Variants in HELZ observed in about 807,000 individuals in gnomAD.
The protein encoded by HELZ is helicase with zinc finger.
In HELZ, 23 loss-of-function variants were observed where a neutral mutation model predicts 218.2. That is an observed-to-expected ratio of 0.11 (90% CI 0.08 to 0.15). The LOEUF is 0.15. Among genes scored for constraint, HELZ ranks in the 10% least tolerant of loss-of-function variants. The pLI is 1.00. For synonymous variants in HELZ, 814 were observed against 829.4 expected (o/e 0.98, Z 0.32); for missense variants, 1,813 against 2,353.7 (o/e 0.77, Z 4.75).
At chr17:67,087,153 A>T (rs2036419666) in intron 31 of HELZ, 72 bp from the exon 32 acceptor site, 1 of 1,378,900 alleles carries the variant, frequency 7.3e-7, no homozygotes, top group South Asian at 1.2e-5. Flanking sequence ...TTCACTCCAT[A>T]GCAATATCTC....
intron 28 of HELZ, among the ~76,000 whole-genome samples, chr17:67,112,968 G>GACTACA (rs1036683493): frequency 6.6e-6 from 1 of 152,166 alleles, no homozygotes; most frequent in African/African-American, 2.4e-5. Context: ...AGTCAAGTAA[G>GACTACA]ACTACATTTG....
chr17:67,242,142 A>C (rs2041328820), intron 2 of HELZ, among the ~76,000 whole-genome samples: 1 of 152,220 alleles, frequency 6.6e-6, no homozygotes, highest in Non-Finnish European at 1.5e-5. Context: ...AAGGCCAGGC[A>C]TGGTGGCTCA....
At chr17:67,142,273 G>A (rs2038351029) in intron 21 of HELZ, among the ~76,000 whole-genome samples, 1 of 152,076 alleles carries the variant, frequency 6.6e-6, no homozygotes, top group South Asian at 2.1e-4. Flanking sequence ...TTGGGAGGCT[G>A]AGGGAGGTGG....
chr17:67,138,628 C>G (rs1393477264), intron 21 of HELZ, among the ~76,000 whole-genome samples: 1 of 152,196 alleles, frequency 6.6e-6, no homozygotes, highest in Non-Finnish European at 1.5e-5. Context: ...CAACAGCCAC[C>G]AATTGACAAC....
chr17:67,123,992 T>G lies in HELZ; in HGVS notation c.3410A>C (p.Gln1137Pro). The change falls in exon 25 of 33, where the codon CAG becomes CCG. Residue 1137 changes from glutamine to proline, a missense_variant. Gln to Pro is a moderately conservative substitution (Grantham distance 76). Coordinates refer to ENST00000358691, the MANE Select transcript of HELZ (RefSeq NM_014877.4). ...TCCATCATTCTGGAAGTGATCATTC[T>G]GGGTATGATGAAGACTTTTCCCCTT... The part of the protein sequence containing the change: ...PPKGKSLHHT[Q>P]NDHFQNDGIV... 3 of 1,606,540 alleles carry G rather than the reference T, an allele frequency of 1.9e-6. No homozygotes were observed. Among genetic ancestry groups the G allele is most frequent in the Non-Finnish European group, 2.6e-6 (3 of 1,173,968 alleles).
chr17:67,239,815 G>A (rs1282911210), intron 2 of HELZ: 2 of 152,184 alleles, frequency 1.3e-5, no homozygotes, highest in Non-Finnish European at 2.9e-5. Flanking sequence ...TTTCCAGGAA[G>A]AACACCAGCT....
chr17:67,162,445 A>T (rs541753860), intron 15 of HELZ, among the ~76,000 whole-genome samples: 44 of 152,280 alleles, frequency 2.9e-4, no homozygotes, highest in African/African-American at 1.0e-3. Flanking sequence ...TTTATTCATA[A>T]TTCTGCCAGT....
At chr17:67,117,841 GT>G (rs555568587) in intron 27 of HELZ, among the ~76,000 whole-genome samples, 7 of 151,822 alleles carry the variant, frequency 4.6e-5, no homozygotes, top group Non-Finnish European at 1.0e-4. Context: ...ATGAGCCACC[GT>G]GCTCGGCCTG....
chr17:67,162,275 T>C (rs1245501240), intron 15 of HELZ, among the ~76,000 whole-genome samples: 1 of 152,162 alleles, frequency 6.6e-6, no homozygotes, highest in Non-Finnish European at 1.5e-5. Context: ...ACTGTTATAT[T>C]ATGACATATA....
At chr17:67,087,548 T>C (rs532128412) in intron 31 of HELZ, among the ~76,000 whole-genome samples, 156 of 152,342 alleles carry the variant, frequency 1.0e-3, no homozygotes, top group African/African-American at 3.7e-3. Flanking sequence ...ACTTATCTCT[T>C]GGGCCCTTCC....
At chr17:67,133,724 A>G (rs1177384161) in intron 23 of HELZ, among the ~76,000 whole-genome samples, 1 of 152,170 alleles carries the variant, frequency 6.6e-6, no homozygotes, top group Non-Finnish European at 1.5e-5. Flanking sequence ...CATGTTGCCC[A>G]GGGTGATCTC....
At chr17:67,171,932 A>G (rs2144183009) in intron 13 of HELZ, among the ~76,000 whole-genome samples, 1 of 152,020 alleles carries the variant, frequency 6.6e-6, no homozygotes, top group Middle Eastern at 3.4e-3. Flanking sequence ...CCCGGGTTCA[A>G]GCGATTCTCC....
intron 5 of HELZ, among the ~76,000 whole-genome samples, chr17:67,212,084 G>A (rs1274474458): frequency 2.0e-5 from 3 of 151,630 alleles, no homozygotes; most frequent in African/African-American, 7.3e-5. Flanking sequence ...TATGCTGTAA[G>A]GCCAAGGCGG....
At chr17:67,126,307 C>T (rs958398867) in intron 24 of HELZ, among the ~76,000 whole-genome samples, 4 of 152,006 alleles carry the variant, frequency 2.6e-5, no homozygotes, top group South Asian at 2.1e-4. Flanking sequence ...GCTGGAAGAA[C>T]GCTAGACAAT....
chr17:67,183,043 A>G (rs566328202), intron 12 of HELZ, among the ~76,000 whole-genome samples: 10 of 152,358 alleles, frequency 6.6e-5, no homozygotes, highest in African/African-American at 1.9e-4. Context: ...AAAACCTGCT[A>G]TATTTATCTA....
At chr17:67,129,373 CATACACATAT>C (rs2037906052) in intron 23 of HELZ, among the ~76,000 whole-genome samples, 1 of 151,956 alleles carries the variant, frequency 6.6e-6, no homozygotes, top group Admixed American at 6.5e-5. Flanking sequence ...CATATATACA[CATACACATAT>C]ATACACACAC....
intron 2 of HELZ, among the ~76,000 whole-genome samples, chr17:67,240,494 CTG>C (rs1472174558): frequency 6.6e-6 from 1 of 152,098 alleles, no homozygotes; most frequent in African/African-American, 2.4e-5. Flanking sequence ...TTTTTTAAAA[CTG>C]TATTAGTTAA....
Position 67,128,668 on chromosome 17 carries a change from G to C in HELZ, c.3370C>G (p.Gln1124Glu), listed in dbSNP as rs1023155147. 4.3e-6 allele frequency: 7 copies of C among 1,613,904 alleles called. No homozygotes were observed. Among genetic ancestry groups the C allele is most frequent in the Non-Finnish European group, 5.9e-6 (7 of 1,179,918 alleles). ...GGCTTTACCTTGGGTGGTGATTGCT[G>C]CTGTTTGTTGGTACTTCCTGAATGC... ...LQHSGSTNKQ[Q>E]QSPPKGKSLH... Residue 1124 changes from glutamine (Q) to glutamate (E), a missense_variant, in exon 24 of 33, where the codon CAG (glutamine) becomes GAG (glutamate). By Grantham distance (29) the Gln-to-Glu change is conservative. This residue lies in a region of HELZ where 938 missense variants were observed against 1,027.5 expected (regional missense o/e 0.91). Coordinates refer to ENST00000358691, the MANE Select transcript of HELZ (RefSeq NM_014877.4).
At chr17:67,167,422 G>A (rs760689281) in intron 14 of HELZ, 41 bp downstream of exon 14, 46 of 1,392,912 alleles carry the variant, frequency 3.3e-5, no homozygotes, top group Non-Finnish European at 4.5e-5. Flanking sequence ...TGATAATGAG[G>A]CTACAGACCA....
Sources: gnomAD v4.1 joint callset for allele counts (sites outside exome capture counted in the v4.1 genomes callset) on GRCh38, gnomAD v4.1.1 for gene constraint, gnomAD v4.1.1 regional missense constraint, MANE v1.5 for transcripts, NCBI Gene and HGNC (gene_info 2026-07-23, HGNC 2026-07-21) for gene names.